Variants in ARHGEF7 observed in about 807,000 individuals in gnomAD.
ARHGEF7 encodes the protein PAK-interacting exchange factor beta.
Under a neutral mutation model 109.8 loss-of-function variants are expected in ARHGEF7, and 33 were observed. The ratio of observed to expected loss-of-function variants is 0.30; its 90% CI spans 0.23 to 0.40. The LOEUF is 0.40. Ranked by LOEUF, ARHGEF7 falls within the 10% of genes least tolerant of loss-of-function variation. The probability of loss-of-function intolerance (pLI) is 1.00; values close to 1 mark genes in which losing one functional copy is unlikely to be tolerated. For missense variants in ARHGEF7, 938 were observed against 1,098.5 expected, an observed-to-expected ratio of 0.85 and a Z score of 2.07; for synonymous variants, 458 against 424.6, an observed-to-expected ratio of 1.08 and a Z score of -0.97.
At chr13:111,170,945 A>G (rs972421785) in intron 2 of ARHGEF7, among the ~76,000 whole-genome samples, 30 of 152,384 alleles carry the variant, frequency 2.0e-4, no homozygotes, top group African/African-American at 7.0e-4. Context: ...TTTTAAAAGC[A>G]TTTTATCCTT....
intron 2 of ARHGEF7, chr13:111,159,149 G>T: frequency 1.4e-6 from 1 of 707,724 alleles, no homozygotes. Flanking sequence ...TTGTCTTTTT[G>T]TGCCCTGCTT....
At chr13:111,290,935 T>G (rs542305821) in intron 18 of ARHGEF7, among the ~76,000 whole-genome samples, 31 of 152,348 alleles carry the variant, frequency 2.0e-4, no homozygotes, top group African/African-American at 7.0e-4. Context: ...CATTAAATGC[T>G]TAGTAAAACG....
intron 19 of ARHGEF7, among the ~76,000 whole-genome samples, chr13:111,298,622 C>T (rs72653569): frequency 0.11 from 17,488 of 152,318 alleles, 1,077 homozygotes; most frequent in South Asian, 0.22. Context: ...TTTTAAAAAA[C>T]GTTTTTCTGA....
intron 17 of ARHGEF7, among the ~76,000 whole-genome samples, chr13:111,286,539 T>G (rs1186123895): frequency 1.3e-5 from 2 of 152,142 alleles, no homozygotes; most frequent in East Asian, 3.9e-4. Context: ...TGGTTCTCCC[T>G]CTCGCCTATA....
intron 6 of ARHGEF7, chr13:111,241,269 G>A: frequency 6.5e-7 from 1 of 1,536,186 alleles, no homozygotes; most frequent in Non-Finnish European, 8.7e-7. Flanking sequence ...GTGGCGTCCA[G>A]GCTGTGAGGT....
chr13:111,281,881 TTGTGTGGGATGATGTATTC>T (rs2092797258), intron 15 of ARHGEF7, among the ~76,000 whole-genome samples: 1 of 152,348 alleles, frequency 6.6e-6, no homozygotes, highest in South Asian at 2.1e-4. Context: ...ACAGAGTTTC[TTGTGTGGGATGATGTATTC>T]TGTGATCCAA....
In ARHGEF7 at chr13:111,292,266, C is replaced by T. The variant is rs2093313052; in HGVS notation, c.2283C>T (p.Ala761=). The part of the protein sequence containing the change: ...EDSDYDSIWT[A]HSYRMGSTSR... ...CTGACTATGACAGTATATGGACAGC[C>T]CATAGTTACAGAATGGGTTCTACAT... is the stretch of plus-strand genomic sequence containing the variant. Residue 761 remains alanine, a synonymous_variant, in exon 19 of 22, where the codon GCC becomes GCT. Coordinates refer to ENST00000646102, the MANE Select transcript of ARHGEF7 (RefSeq NM_001354046.2). 1.2e-6 allele frequency: 2 copies of T among 1,614,042 alleles called. No homozygotes were observed. Among genetic ancestry groups the T allele is most frequent in the Non-Finnish European group, 1.7e-6 (2 of 1,180,052 alleles).
intron 1 of ARHGEF7, among the ~76,000 whole-genome samples, chr13:111,151,254 AT>A (rs1388202075): frequency 2.6e-5 from 4 of 152,240 alleles, no homozygotes; most frequent in African/African-American, 9.6e-5. Flanking sequence ...CTTTTCACGT[AT>A]AACACTTAGC....
In ARHGEF7 at chr13:111,273,956, C is replaced by T. The variant is rs1423955909; in HGVS notation, c.1212+4C>T. 3.1e-6 allele frequency: 5 copies of T among 1,613,940 alleles called. No homozygotes were observed. Among genetic ancestry groups the T allele is most frequent in the Non-Finnish European group, 3.4e-6 (4 of 1,179,836 alleles). On this transcript the variant is annotated splice_donor_region_variant and intron_variant, in intron 10 of 21. Transcript: ENST00000646102. This position sits in a 1 kb window ranked among gnomAD's most constrained non-coding sequence, Gnocchi z 4.5. ...AGAGCTCGAGAGACACATGGAGGTA[C>T]TGCGCTTTCATTCTCTTACTTGGAG...
At chr13:111,153,749 TG>T in intron 1 of ARHGEF7, 155 bp from the exon 2 acceptor site, 5 of 1,343,722 alleles carry the variant, frequency 3.7e-6, no homozygotes, top group Non-Finnish European at 4.7e-6. Context: ...CTGAGCGGGT[TG>T]GCATCTGGGG....
Position 111,245,061 on chromosome 13 carries a change from G to A in ARHGEF7, c.950+767G>A, listed in dbSNP as rs541236606. ...GCCCAATTTGTTCCACTTTTGAAGT[G>A]TTGGTTGTGTGACGTGCGGTCAGGC... On this transcript the variant is annotated intron_variant, in intron 8 of 21. Transcript: ENST00000646102. 2.8e-4 allele frequency among the ~76,000 whole-genome samples: 42 copies of A among 152,312 alleles called. No individual in the cohort carries two copies. In the South Asian group the frequency reaches 5.4e-3, roughly 20 times the overall value.
intron 1 of ARHGEF7, chr13:111,153,588 A>C (rs958146655): frequency 7.2e-6 from 8 of 1,106,788 alleles, no homozygotes; most frequent in Non-Finnish European, 8.9e-6. Flanking sequence ...GGGGGCGAAC[A>C]CCCGACGCTA....
At chr13:111,210,610 A>G (rs1193667245) in intron 4 of ARHGEF7, among the ~76,000 whole-genome samples, 1 of 152,160 alleles carries the variant, frequency 6.6e-6, no homozygotes, top group Non-Finnish European at 1.5e-5. Context: ...GGAATGTAAT[A>G]GTGAAGTTGA....
In ARHGEF7 at chr13:111,131,550, A is replaced by G. The variant is rs1447791715; in HGVS notation, c.165+15859A>G. The stretch of plus-strand genomic sequence containing the variant: ...TTGTGAGGTTTCTTACAGGGCAGTT[A>G]AAGTGCGAACGTGAGAAGGCCAAGG... On this transcript the variant is annotated intron_variant, in intron 1 of 21. Coordinates refer to ENST00000646102, the MANE Select transcript of ARHGEF7 (RefSeq NM_001354046.2). The surrounding 1 kb of genome is among the most constrained non-coding windows in gnomAD (Gnocchi z 4.4). Among the ~76,000 whole-genome samples, 1 of 152,184 alleles carries G rather than the reference A, an allele frequency of 6.6e-6. No individual in the cohort carries two copies. Among genetic ancestry groups the G allele is most frequent in the Non-Finnish European group, 1.5e-5 (1 of 68,028 alleles).
intron 4 of ARHGEF7, among the ~76,000 whole-genome samples, chr13:111,210,277 A>G (rs1051415868): frequency 6.6e-6 from 1 of 152,232 alleles, no homozygotes; most frequent in Non-Finnish European, 1.5e-5. Context: ...CTGCTTTAAA[A>G]AAACACACCC....
chr13:111,199,331 C>CTTTTTTTTTGGGTCAATATCAGAACAA (rs2080941930), intron 2 of ARHGEF7, among the ~76,000 whole-genome samples: 2 of 152,178 alleles, frequency 1.3e-5, no homozygotes, highest in Admixed American at 1.3e-4. Context: ...TCAATATCAG[C>CTTTTTTTTTGGGTCAATATCAGAACAA]TCTTAGAACT....
chr13:111,130,642 A>G (rs913078392), intron 1 of ARHGEF7, among the ~76,000 whole-genome samples: 2 of 152,248 alleles, frequency 1.3e-5, no homozygotes, highest in Non-Finnish European at 2.9e-5. Context: ...ATAGACTCGC[A>G]TACTATTTAG....
chr13:111,190,233 A>G (rs1172608211), intron 2 of ARHGEF7, among the ~76,000 whole-genome samples: 1 of 152,194 alleles, frequency 6.6e-6, no homozygotes, highest in Non-Finnish European at 1.5e-5. Context: ...GAAGGCGAGT[A>G]ATAGCAAGAT....
chr13:111,119,978 T>G (rs1477108550), intron 1 of ARHGEF7, among the ~76,000 whole-genome samples: 1 of 152,212 alleles, frequency 6.6e-6, no homozygotes, highest in African/African-American at 2.4e-5. Context: ...ATAGAGAAGT[T>G]ATAATATGGT....
Sources: allele counts gnomAD v4.1 joint callset (sites outside exome capture counted in the v4.1 genomes callset), GRCh38; gene constraint gnomAD v4.1.1; non-coding constraint Gnocchi (gnomAD v3.1); transcripts MANE v1.5; gene names NCBI Gene and HGNC (gene_info 2026-07-23, HGNC 2026-07-21).